SCFD2: variants seen among roughly 807,000 people sequenced by gnomAD.
SCFD2 encodes the protein sec1 family domain-containing protein 2.
Under a neutral mutation model 58.9 loss-of-function variants are expected in SCFD2, and 54 were observed. The ratio of observed to expected loss-of-function variants is 0.92; its 90% confidence interval spans 0.74 to 1.15. The LOEUF is 1.15. Among genes scored for constraint, SCFD2 ranks in the 50% most tolerant of loss-of-function variants. The pLI is 0.00. For missense variants in SCFD2, 805 were observed against 836.6 expected (o/e 0.96, Z 0.47); for synonymous variants, 321 against 335.9 (o/e 0.96, Z 0.49).
At chr4:52,967,668 A>G (rs1223503593) in intron 5 of SCFD2, among the ~76,000 whole-genome samples, 1 of 152,166 alleles carries the variant, frequency 6.6e-6, no homozygotes, top group Non-Finnish European at 1.5e-5. Flanking sequence ...ACAAATGCAC[A>G]TATTTCCTCA....
intron 3 of SCFD2, among the ~76,000 whole-genome samples, chr4:53,282,787 A>C (rs1483395963): frequency 6.6e-6 from 1 of 152,218 alleles, no homozygotes; most frequent in Non-Finnish European, 1.5e-5. Context: ...CTGTTTTTTT[A>C]ATATAGTAAA....
intron 5 of SCFD2, among the ~76,000 whole-genome samples, chr4:52,982,507 C>G (rs952456303): frequency 3.9e-5 from 6 of 152,100 alleles, no homozygotes; most frequent in South Asian, 2.1e-4. Context: ...GAATTTGTTA[C>G]CAAATTTTTC....
At chr4:53,014,945 G>C (rs73149171) in intron 5 of SCFD2, among the ~76,000 whole-genome samples, 2,110 of 152,286 alleles carry the variant, frequency 0.014, 46 homozygotes, top group African/African-American at 0.048. Context: ...AGGGTACATA[G>C]AAATATTTTT....
At chr4:53,283,258 A>AT (rs1482407081) in intron 3 of SCFD2, among the ~76,000 whole-genome samples, 1 of 151,730 alleles carries the variant, frequency 6.6e-6, no homozygotes, top group African/African-American at 2.4e-5. Context: ...CTACATATGC[A>AT]TTTTTTCTTG....
intron 5 of SCFD2, among the ~76,000 whole-genome samples, chr4:53,039,516 A>G (rs1722842010): frequency 1.3e-5 from 2 of 152,140 alleles, no homozygotes; most frequent in African/African-American, 4.8e-5. Flanking sequence ...CTTTAAAGAC[A>G]AATTTCTATT....
At chr4:53,157,276 AAT>A (rs1726718587) in intron 4 of SCFD2, among the ~76,000 whole-genome samples, 1 of 152,238 alleles carries the variant, frequency 6.6e-6, no homozygotes, top group Non-Finnish European at 1.5e-5. Context: ...ATCCATCCAA[AAT>A]ACAAGGTAGA....
chr4:53,308,612 C>T (rs1288397606), intron 3 of SCFD2, among the ~76,000 whole-genome samples: 2 of 152,106 alleles, frequency 1.3e-5, no homozygotes, highest in African/African-American at 4.8e-5. Context: ...TGATCAAAAA[C>T]ACAGCTATTA....
intron 5 of SCFD2, among the ~76,000 whole-genome samples, chr4:52,981,564 A>T (rs1288119398): frequency 3.3e-5 from 5 of 152,118 alleles, no homozygotes; most frequent in Non-Finnish European, 5.9e-5. Flanking sequence ...TTTTTTTCTA[A>T]GAAAACAGGA....
At chr4:53,305,483 A>T (rs554337651) in intron 3 of SCFD2, among the ~76,000 whole-genome samples, 1 of 152,314 alleles carries the variant, frequency 6.6e-6, no homozygotes, top group East Asian at 1.9e-4. Flanking sequence ...CATACTAATT[A>T]TCTTTTAAAT....
intron 8 of SCFD2, among the ~76,000 whole-genome samples, chr4:52,877,986 G>A (rs1436280192): frequency 1.3e-5 from 2 of 152,070 alleles, no homozygotes; most frequent in African/African-American, 2.4e-5. Context: ...TGGCACTTTG[G>A]GGATGCTTCT....
intron 4 of SCFD2, among the ~76,000 whole-genome samples, chr4:53,205,612 C>A (rs1324219730): frequency 2.0e-5 from 3 of 152,004 alleles, no homozygotes; most frequent in Non-Finnish European, 2.9e-5. Context: ...AGATGGGCAA[C>A]ACTTTGGGAG....
chr4:53,071,917 T>A (rs1560323047), intron 5 of SCFD2, among the ~76,000 whole-genome samples: 1 of 152,144 alleles, frequency 6.6e-6, no homozygotes, highest in African/African-American at 2.4e-5. Flanking sequence ...GATAGTAATA[T>A]AATTTGCACA....
intron 5 of SCFD2, among the ~76,000 whole-genome samples, chr4:53,077,392 G>A (rs1724008644): frequency 6.6e-6 from 1 of 152,050 alleles, no homozygotes; most frequent in Non-Finnish European, 1.5e-5. Context: ...CATCTTTACT[G>A]TATTAAAAAC....
At chr4:52,993,549 G>C (rs528885468) in intron 5 of SCFD2, among the ~76,000 whole-genome samples, 1 of 152,142 alleles carries the variant, frequency 6.6e-6, no homozygotes, top group South Asian at 2.1e-4. Flanking sequence ...GTGTTTGCAG[G>C]TTCCATGTAA....
intron 5 of SCFD2, among the ~76,000 whole-genome samples, chr4:53,019,102 T>G (rs1026667878): frequency 1.3e-5 from 2 of 152,200 alleles, no homozygotes; most frequent in African/African-American, 4.8e-5. Flanking sequence ...TAAAAAGGAT[T>G]ATAACCTTTG....
At chr4:53,335,626 T>C (rs142079521) in intron 2 of SCFD2, among the ~76,000 whole-genome samples, 9 of 152,308 alleles carry the variant, frequency 5.9e-5, no homozygotes, top group African/African-American at 2.2e-4. Context: ...ATGGGCATCA[T>C]GTTAGCAAAT....
At chr4:53,033,706 C>T (rs1173564754) in intron 5 of SCFD2, among the ~76,000 whole-genome samples, 4 of 152,144 alleles carry the variant, frequency 2.6e-5, no homozygotes, top group Non-Finnish European at 5.9e-5. Context: ...TGCAAATAAA[C>T]TAGAAAATCT....
intron 4 of SCFD2, among the ~76,000 whole-genome samples, chr4:53,203,979 C>T (rs113436713): frequency 3.9e-5 from 6 of 152,118 alleles, no homozygotes; most frequent in African/African-American, 9.7e-5. Flanking sequence ...GCTGACACTA[C>T]GTACCCTTTC....
intron 4 of SCFD2, among the ~76,000 whole-genome samples, chr4:53,198,227 A>C (rs1051984279): frequency 2.0e-5 from 3 of 152,082 alleles, no homozygotes; most frequent in Non-Finnish European, 4.4e-5. Context: ...TAATTACTGT[A>C]TTTGACTTTA....
Sources: gnomAD v4.1 joint callset for allele counts (sites outside exome capture counted in the v4.1 genomes callset) on GRCh38, gnomAD v4.1.1 for gene constraint, MANE v1.5 for transcripts, NCBI Gene and HGNC (gene_info 2026-07-23, HGNC 2026-07-21) for gene names.